ZNF385C: variants seen among roughly 807,000 people sequenced by gnomAD.
The protein encoded by ZNF385C is CTD-2132N18.2.
Under a neutral mutation model 35.4 loss-of-function variants are expected in ZNF385C, and 28 were observed. That is an observed-to-expected ratio of 0.79 (90% confidence interval 0.59 to 1.08). The LOEUF (loss-of-function observed/expected upper bound fraction) is 1.08. Ranked by LOEUF, ZNF385C falls within the 50% of genes least tolerant of loss-of-function variation. ZNF385C has a pLI of 0.00. For synonymous variants in ZNF385C, 248 were observed against 248.2 expected (o/e 1.00, Z 0.01); for missense variants, 605 against 595.6 (o/e 1.02, Z -0.16).
chr17:42,092,553 C>T (rs782808127), intron 1 of ZNF385C, among the ~76,000 whole-genome samples: 3 of 152,146 alleles, frequency 2.0e-5, no homozygotes, highest in Non-Finnish European at 4.4e-5. Context: ...TTACAGGGGC[C>T]CCGAGCCCAT....
intron 2 of ZNF385C, chr17:42,039,640 G>A: frequency 8.3e-7 from 1 of 1,211,930 alleles, no homozygotes; most frequent in Non-Finnish European, 1.0e-6. Context: ...GCATGGTCAA[G>A]TCTAGGTTGG....
At chr17:42,066,914 A>G (rs2053555155) in intron 1 of ZNF385C, among the ~76,000 whole-genome samples, 1 of 152,094 alleles carries the variant, frequency 6.6e-6, no homozygotes, top group Non-Finnish European at 1.5e-5. Context: ...TAAAAATACA[A>G]AAAAATTAGC....
In ZNF385C at chr17:42,031,795, G is replaced by T. The variant is rs1248441849; in HGVS notation, c.511-11C>A. 1.3e-6 allele frequency: 2 copies of T among 1,549,834 alleles called. No homozygotes were observed. The highest frequency in any genetic ancestry group is 1.7e-6 in the Non-Finnish European group (2 of 1,146,642). The stretch of plus-strand genomic sequence containing the variant: ...TGCCTCGGCCTGGTTCTGGGGAGGG[G>T]AGGGCAAGAGGTCACCATTCACTGG... On this transcript the variant is annotated splice_polypyrimidine_tract_variant and intron_variant, in intron 4 of 8. Transcript: ENST00000692273.
At chr17:42,032,716 CT>C (rs573697940) in intron 4 of ZNF385C, among the ~76,000 whole-genome samples, 259 of 144,466 alleles carry the variant, frequency 1.8e-3, no homozygotes, top group East Asian at 4.6e-3. Context: ...TCTCCTCCAT[CT>C]TTTTTTTTTT....
At chr17:42,047,248 G>A (rs1321786830) in intron 2 of ZNF385C, among the ~76,000 whole-genome samples, 1 of 152,052 alleles carries the variant, frequency 6.6e-6, no homozygotes, top group African/African-American at 2.4e-5. Flanking sequence ...TAGCCAGGAT[G>A]GTCTTGATCT....
intron 1 of ZNF385C, among the ~76,000 whole-genome samples, chr17:42,068,180 G>A (rs1329630481): frequency 3.9e-5 from 6 of 152,080 alleles, no homozygotes; most frequent in African/African-American, 1.4e-4. Context: ...CAGTGACGGG[G>A]GCACACAGGT....
In ZNF385C at chr17:42,027,082, G is replaced by A. The variant is rs377759741; in HGVS notation, c.1327C>T (p.Leu443=). Residue 443 remains leucine, a synonymous_variant, in exon 9 of 9, where the codon CTG becomes TTG. Transcript: ENST00000692273. The part of the protein sequence containing the change: ...QLTKTLAARF[L]PSPLPTAATA... The stretch of plus-strand genomic sequence containing the variant: ...GCTGCGGTGGGGAGCGGGCTGGGCA[G>A]GAAGCGGGCTGCCAACGTCTTGGTG... The A allele has an allele frequency of 3.1e-6, 5 of 1,612,200 alleles. No homozygotes were observed. The highest frequency in any genetic ancestry group is 4.2e-6 in the Non-Finnish European group (5 of 1,179,174).
intron 4 of ZNF385C, among the ~76,000 whole-genome samples, chr17:42,033,522 G>A (rs143539535): frequency 1.3e-3 from 202 of 152,234 alleles, no homozygotes; most frequent in African/African-American, 4.6e-3. Flanking sequence ...AGGTTGAGGT[G>A]GGTGGATCAC....
chr17:42,066,028 A>G (rs2053542244), intron 1 of ZNF385C, among the ~76,000 whole-genome samples: 1 of 151,674 alleles, frequency 6.6e-6, no homozygotes, highest in Non-Finnish European at 1.5e-5. Context: ...TCGGTGCCCT[A>G]CAAAATCAGC....
intron 5 of ZNF385C, among the ~76,000 whole-genome samples, chr17:42,029,952 T>G (rs1388151970): frequency 6.6e-6 from 1 of 151,200 alleles, no homozygotes; most frequent in Non-Finnish European, 1.5e-5. Flanking sequence ...GAGAATCGCT[T>G]GAGAGCCAGG....
Position 42,042,920 on chromosome 17 carries a change from C to T in ZNF385C, c.251-5035G>A, listed in dbSNP as rs930891558. On this transcript the variant is annotated intron_variant, in intron 2 of 8. Coordinates refer to ENST00000692273, the MANE Select transcript of ZNF385C (RefSeq NM_001392013.1). ...TGGCACAGGTTGAACCTCTGCAGCT[C>T]GAGCAGGGCAGAGCAGCGGTCATTG... The T allele has an allele frequency of 1.9e-5, 23 of 1,232,408 alleles. No individual in the cohort carries two copies. In the African/African-American group the frequency reaches 2.5e-4, roughly 13 times the overall value. The allele number at this position is 1,232,408 out of a possible 1,614,324, so 76.3% of individuals were successfully genotyped here.
chr17:42,036,327 C>T (rs1361382909), intron 3 of ZNF385C, among the ~76,000 whole-genome samples: 3 of 151,476 alleles, frequency 2.0e-5, no homozygotes, highest in African/African-American at 7.3e-5. Flanking sequence ...TCATTTTTTT[C>T]TTCTATAGAA....
rs563342680 is a variant in ZNF385C, at chr17:42,042,183, G to A, written c.251-4298C>T. Among the ~76,000 whole-genome samples, 15 of 152,120 alleles carry A rather than the reference G, an allele frequency of 9.9e-5. No individual in the cohort carries two copies. The South Asian group carries it at 2.7e-3, about 27-fold the overall frequency. ...GGCCAGGAGCCCAAGACCAGCCTGG[G>A]CAACATAATGAGACCCCATCTCTAT... is the stretch of plus-strand genomic sequence containing the variant. On this transcript the variant is annotated intron_variant, in intron 2 of 8. Transcript: ENST00000692273.
chr17:42,080,541 C>T (rs1555659636), intron 1 of ZNF385C, among the ~76,000 whole-genome samples: 1 of 152,176 alleles, frequency 6.6e-6, no homozygotes, highest in African/African-American at 2.4e-5. Flanking sequence ...AGGATGACAC[C>T]AAGATTCCAG....
intron 1 of ZNF385C, chr17:42,065,462 CTA>C (rs1445887663): frequency 1.3e-5 from 2 of 152,200 alleles, no homozygotes; most frequent in African/African-American, 4.8e-5. Context: ...CTTCACAAGA[CTA>C]TACATCCAAC....
At chr17:42,043,848 G>A (rs1191373182) in intron 2 of ZNF385C, among the ~76,000 whole-genome samples, 1 of 152,192 alleles carries the variant, frequency 6.6e-6, no homozygotes, top group African/African-American at 2.4e-5. Flanking sequence ...GAACTGGAAA[G>A]GCTGGCATCA....
intron 1 of ZNF385C, among the ~76,000 whole-genome samples, chr17:42,091,728 C>T (rs1329736051): frequency 6.6e-6 from 1 of 152,248 alleles, no homozygotes; most frequent in African/African-American, 2.4e-5. Flanking sequence ...TCCCAATTAG[C>T]ACCCAGAGGG....
At chr17:42,042,740 G>C in intron 2 of ZNF385C, 3 of 948,488 alleles carry the variant, frequency 3.2e-6, no homozygotes, top group Non-Finnish European at 4.1e-6. Flanking sequence ...TGCCCTAGCT[G>C]CTCCCCAAGG....
At chr17:42,063,101 C>A in intron 1 of ZNF385C, 43 bp from the exon 2 acceptor site, 1 of 585,182 alleles carries the variant, frequency 1.7e-6, no homozygotes, top group Non-Finnish European at 3.0e-6. Flanking sequence ...CAAATGGTTG[C>A]GAATTCTTAG....
Sources: gnomAD v4.1 joint callset for allele counts (sites outside exome capture counted in the v4.1 genomes callset) on GRCh38, gnomAD v4.1.1 for gene constraint, MANE v1.5 for transcripts, NCBI Gene and HGNC (gene_info 2026-07-23, HGNC 2026-07-21) for gene names.